The following SLC22A23 variants were observed in gnomAD, a reference collection of about 807,000 sequenced individuals.
SLC22A23 encodes the protein ion transporter protein.
Under a neutral mutation model 61.0 loss-of-function variants are expected in SLC22A23, and 26 were observed. The ratio of observed to expected loss-of-function variants is 0.43; its 90% CI spans 0.31 to 0.59. The LOEUF is 0.59. SLC22A23 is among the 20% of genes least tolerant of loss of function. The pLI is 0.11. For missense variants in SLC22A23, 796 were observed against 934.7 expected (o/e 0.85, Z 1.94); for synonymous variants, 430 against 413.9 (o/e 1.04, Z -0.47).
chr6:3,293,644 G>A (rs912930669), intron 5 of SLC22A23, among the ~76,000 whole-genome samples: 3 of 152,248 alleles, frequency 2.0e-5, no homozygotes, highest in Non-Finnish European at 2.9e-5. Context: ...TGAGTGAGCC[G>A]TGGCGGTCGC....
intron 3 of SLC22A23, among the ~76,000 whole-genome samples, chr6:3,345,093 T>G (rs1040872713): frequency 6.6e-6 from 1 of 152,224 alleles, no homozygotes; most frequent in East Asian, 1.9e-4. Context: ...AAAGAACAAT[T>G]GGCTTTGTCA....
chr6:3,302,863 C>T (rs1761713328), intron 4 of SLC22A23: 1 of 145,714 alleles, frequency 6.9e-6, no homozygotes, highest in African/African-American at 2.4e-5. Context: ...TACAGCTGAT[C>T]CTGGAGAAAC....
intron 1 of SLC22A23, among the ~76,000 whole-genome samples, chr6:3,452,871 T>C (rs1772222762): frequency 6.6e-6 from 1 of 152,134 alleles, no homozygotes; most frequent in Non-Finnish European, 1.5e-5. Flanking sequence ...ATTGTTAAGA[T>C]GAAACCTAAG....
intron 4 of SLC22A23, among the ~76,000 whole-genome samples, chr6:3,301,274 CATT>C (rs1374879915): frequency 1.3e-5 from 2 of 152,060 alleles, no homozygotes; most frequent in East Asian, 3.9e-4. Context: ...ACATAGAGGT[CATT>C]ATTATTAATT....
intron 4 of SLC22A23, among the ~76,000 whole-genome samples, chr6:3,321,374 G>T (rs1391762613): frequency 6.6e-6 from 1 of 151,266 alleles, no homozygotes; most frequent in Non-Finnish European, 1.5e-5. Context: ...ATGCACACAC[G>T]TGCACACACA....
At chr6:3,300,555 G>A (rs1034162881) in intron 4 of SLC22A23, among the ~76,000 whole-genome samples, 1 of 152,122 alleles carries the variant, frequency 6.6e-6, no homozygotes, top group Non-Finnish European at 1.5e-5. Flanking sequence ...GAATCTGCTG[G>A]TGCCTTAATC....
rs1185780729 is a variant in SLC22A23 at position 3,286,429 on chromosome 6, C to T, written c.1546+430G>A. 1.3e-5 allele frequency among the ~76,000 whole-genome samples: 2 copies of T among 152,204 alleles called. No individual in the cohort carries two copies. The highest frequency in any genetic ancestry group is 2.9e-5 in the Non-Finnish European group (2 of 68,042). ...TATTTTTAACCTTTACTGAGAAATTCTTTGGTCCAAAGAGAAGCTGATGAA... is the reference window on the plus strand; with the variant it reads ...TATTTTTAACCTTTACTGAGAAATTTTTTGGTCCAAAGAGAAGCTGATGAA... On this transcript the variant is annotated intron_variant, in intron 7 of 9. Coordinates refer to ENST00000406686, the MANE Select transcript of SLC22A23 (RefSeq NM_015482.2). This position sits in a 1 kb window ranked among gnomAD's most constrained non-coding sequence, Gnocchi z 4.2.
chr6:3,392,459 A>AT (rs1178685756), intron 3 of SLC22A23, among the ~76,000 whole-genome samples: 1 of 152,256 alleles, frequency 6.6e-6, no homozygotes, highest in African/African-American at 2.4e-5. Flanking sequence ...AGAAGCTCTG[A>AT]TTCAGGCTGT....
chr6:3,279,065 A>G (rs1759171950), intron 9 of SLC22A23, among the ~76,000 whole-genome samples: 1 of 152,254 alleles, frequency 6.6e-6, no homozygotes, highest in Admixed American at 6.5e-5. Flanking sequence ...TGTGCCAAAT[A>G]AAATGAAATA....
At position 3,445,986 on chromosome 6, in the gene SLC22A23, A is replaced by G. The variant is rs942416623; in HGVS notation, c.654+9920T>C. ...TCGGGCCTGTGGTGTTAAAAGCAGC[A>G]AGACAAGATGGGGGCCTGGCTAGCC... On this transcript the variant is annotated intron_variant, in intron 1 of 9. Coordinates refer to ENST00000406686, the MANE Select transcript of SLC22A23 (RefSeq NM_015482.2). Among the ~76,000 whole-genome samples the G allele has an allele frequency of 3.9e-5, 6 of 152,162 alleles. No individual in the cohort carries two copies. In the East Asian group the frequency reaches 1.2e-3, roughly 29 times the overall value.
At chr6:3,335,870 A>T (rs1442112796) in intron 3 of SLC22A23, among the ~76,000 whole-genome samples, 1 of 152,166 alleles carries the variant, frequency 6.6e-6, no homozygotes, top group Non-Finnish European at 1.5e-5. Flanking sequence ...CGGGCGGATC[A>T]AGAGGTTAGG....
chr6:3,281,684 T>G lies in SLC22A23; in HGVS notation c.1703+2168A>C, dbSNP rs368226036. Among the ~76,000 whole-genome samples, 51 of 152,152 alleles carry G rather than the reference T, an allele frequency of 3.4e-4. 3 individuals carry two copies. In the South Asian group the frequency reaches 0.01, roughly 31 times the overall value. ...GGGATGGTAGGGGAGTCTACTTCCATCCTAGGGCCTCCGTGGGAATTGTTC... is the reference window on the plus strand; with the variant it reads ...GGGATGGTAGGGGAGTCTACTTCCAGCCTAGGGCCTCCGTGGGAATTGTTC... On this transcript the variant is annotated intron_variant, in intron 9 of 9. Coordinates refer to ENST00000406686, the MANE Select transcript of SLC22A23 (RefSeq NM_015482.2).
rs1581787216 is a variant in SLC22A23, at chr6:3,380,968, G to C, written c.913+29220C>G. The stretch of plus-strand genomic sequence containing the variant: ...AGGTCACTTCCACTCGCAGCTCATT[G>C]GTCAGGACCAGTCACAGGAATCTGC... On this transcript the variant is annotated intron_variant, in intron 3 of 9. Transcript: ENST00000406686. Among the ~76,000 whole-genome samples, 3 of 152,124 alleles carry C rather than the reference G, an allele frequency of 2.0e-5. No homozygotes were observed. The East Asian group carries it at 5.8e-4, about 29-fold the overall frequency.
intron 3 of SLC22A23, among the ~76,000 whole-genome samples, chr6:3,362,626 G>A (rs757158208): frequency 5.3e-5 from 8 of 151,884 alleles, no homozygotes; most frequent in Non-Finnish European, 7.4e-5. Context: ...AGGTAACAAA[G>A]GAATGGAACT....
intron 3 of SLC22A23, among the ~76,000 whole-genome samples, chr6:3,353,489 T>A (rs1477469514): frequency 2.0e-5 from 3 of 152,230 alleles, no homozygotes; most frequent in African/African-American, 7.2e-5. Context: ...ACCCTCATGC[T>A]GGGATTCACG....
chr6:3,397,519 G>T (rs532776621), intron 3 of SLC22A23, among the ~76,000 whole-genome samples: 17 of 152,198 alleles, frequency 1.1e-4, no homozygotes, highest in African/African-American at 4.1e-4. Context: ...CTGTAAAATG[G>T]GGCTATTTGT....
In SLC22A23 at chr6:3,372,388, T is replaced by C. The variant is rs1257816416; in HGVS notation, c.913+37800A>G. ...AAGCCTGCAGGCTCCTCCTGCTGGC[T>C]GTGCTGGGAAGGGGGGATGGGCGTG... On this transcript the variant is annotated intron_variant, in intron 3 of 9. Coordinates refer to ENST00000406686, the MANE Select transcript of SLC22A23 (RefSeq NM_015482.2). The surrounding 1 kb of genome is among the most constrained non-coding windows in gnomAD (Gnocchi z 4.7). Among the ~76,000 whole-genome samples the C allele has an allele frequency of 6.6e-6, 1 of 152,232 alleles. No individual in the cohort carries two copies. Among genetic ancestry groups the C allele is most frequent in the Non-Finnish European group, 1.5e-5 (1 of 68,040 alleles).
chr6:3,294,562 T>C (rs1284789352), intron 5 of SLC22A23, among the ~76,000 whole-genome samples: 2 of 152,210 alleles, frequency 1.3e-5, no homozygotes, highest in Non-Finnish European at 2.9e-5. Context: ...CAGTGCCGTG[T>C]GTGGCACTCA....
intron 1 of SLC22A23, among the ~76,000 whole-genome samples, chr6:3,428,559 G>T (rs1437110335): frequency 6.6e-6 from 1 of 152,222 alleles, no homozygotes; most frequent in Non-Finnish European, 1.5e-5. Flanking sequence ...CACTACTGAT[G>T]CAGCAGAGCG....
Sources: gnomAD v4.1 joint callset for allele counts (sites outside exome capture counted in the v4.1 genomes callset) on GRCh38, gnomAD v4.1.1 for gene constraint, Gnocchi (gnomAD v3.1) non-coding constraint, MANE v1.5 for transcripts, NCBI Gene and HGNC (gene_info 2026-07-23, HGNC 2026-07-21) for gene names.